Variants in MBNL1 observed in about 807,000 individuals in gnomAD.
MBNL1 encodes the protein muscleblind like splicing regulator 1.
In MBNL1, 8 loss-of-function variants were observed where a neutral mutation model predicts 42.2. The observed-to-expected ratio is 0.19, with a 90% CI of 0.11 to 0.34. MBNL1 has a LOEUF of 0.34. Among genes scored for constraint, MBNL1 ranks in the 10% least tolerant of loss-of-function variants. The pLI is 1.00. For synonymous variants in MBNL1, 169 were observed against 173.9 expected, an observed-to-expected ratio of 0.97 and a Z score of 0.22; for missense variants, 309 against 495.3, an observed-to-expected ratio of 0.62 and a Z score of 3.57.
chr3:152,286,314 T>G (rs906273889), intron 1 of MBNL1, among the ~76,000 whole-genome samples: 1 of 144,856 alleles, frequency 6.9e-6, no homozygotes, highest in Non-Finnish European at 1.5e-5. Context: ...ATTTTATTTA[T>G]AATACAAATA....
At chr3:152,314,989 T>C (rs959012923) in intron 2 of MBNL1, among the ~76,000 whole-genome samples, 2 of 152,258 alleles carry the variant, frequency 1.3e-5, no homozygotes, top group Non-Finnish European at 2.9e-5. Context: ...TTGCCCATTC[T>C]GTTCTGCTGT....
chr3:152,296,672 T>TTGTGTGTGTG (rs10564035), intron 1 of MBNL1, among the ~76,000 whole-genome samples: 279 of 148,608 alleles, frequency 1.9e-3, no homozygotes, highest in Middle Eastern at 3.5e-3. Flanking sequence ...GAGGCAATGA[T>TTGTGTGTGTG]TGTGTGTGTG....
intron 2 of MBNL1, among the ~76,000 whole-genome samples, chr3:152,304,899 G>GT (rs1394306085): frequency 6.6e-6 from 1 of 151,896 alleles, no homozygotes; most frequent in Non-Finnish European, 1.5e-5. Context: ...ATGAGTAAAG[G>GT]TTTTTTTAGA....
chr3:152,364,314 T>A (rs976078134), intron 2 of MBNL1, among the ~76,000 whole-genome samples: 27 of 152,116 alleles, frequency 1.8e-4, no homozygotes, highest in African/African-American at 6.3e-4. Context: ...ACAATAACTT[T>A]GTGTTTTTGT....
At chr3:152,256,671 G>T (rs530123624) in intron 2 of MBNL1, among the ~76,000 whole-genome samples, 4 of 152,242 alleles carry the variant, frequency 2.6e-5, no homozygotes, top group Non-Finnish European at 5.9e-5. Flanking sequence ...AGGGGTAGGA[G>T]GTTGAGGGCT....
intron 8 of MBNL1, chr3:152,458,366 A>AC (rs1402921574): frequency 1.7e-6 from 1 of 594,764 alleles, no homozygotes; most frequent in African/African-American, 1.9e-5. Flanking sequence ...AATTGAAAGA[A>AC]CAGCAACAAA....
Position 152,316,810 on chromosome 3 carries a change from T to C in MBNL1, c.174+16443T>C, listed in dbSNP as rs911543123. Among the ~76,000 whole-genome samples the C allele has an allele frequency of 1.2e-4, 18 of 152,316 alleles. No homozygotes were observed. In the South Asian group the frequency reaches 2.5e-3, roughly 21 times the overall value. On this transcript the variant is annotated intron_variant, in intron 2 of 9. Coordinates refer to ENST00000324210, the MANE Select transcript of MBNL1 (RefSeq NM_021038.5). The stretch of plus-strand genomic sequence containing the variant: ...GGAAATTTTCACATGCTCCAGACTT[T>C]CAGATAGAGCTGGCTTTGCCTTCTC...
chr3:152,303,523 C>T (rs762638207), intron 2 of MBNL1, among the ~76,000 whole-genome samples: 1 of 152,004 alleles, frequency 6.6e-6, no homozygotes, highest in African/African-American at 2.4e-5. Context: ...ATTATGTTCC[C>T]CTATGGCTTG....
intron 2 of MBNL1, among the ~76,000 whole-genome samples, chr3:152,320,628 G>A (rs1047149414): frequency 6.6e-6 from 1 of 151,140 alleles, no homozygotes; most frequent in Non-Finnish European, 1.5e-5. Context: ...GCTTTCAAAG[G>A]TTGCATAGGG....
At chr3:152,343,358 C>T (rs914985819) in intron 2 of MBNL1, among the ~76,000 whole-genome samples, 4 of 152,084 alleles carry the variant, frequency 2.6e-5, no homozygotes, top group African/African-American at 9.7e-5. Context: ...CAGAGTTTAA[C>T]CTTGAATGCT....
chr3:152,424,059 G>C (rs1347806116), intron 3 of MBNL1, among the ~76,000 whole-genome samples: 1 of 152,164 alleles, frequency 6.6e-6, no homozygotes, highest in Non-Finnish European at 1.5e-5. Flanking sequence ...ATTCAACATA[G>C]TATTGGAAGT....
intron 5 of MBNL1, chr3:152,446,808 C>G: frequency 6.7e-7 from 1 of 1,485,896 alleles, no homozygotes; most frequent in South Asian, 1.2e-5. Flanking sequence ...ATTGTAGATA[C>G]AAGTTTTTTT....
At chr3:152,248,941 A>C (rs2033862491) in intron 2 of MBNL1, among the ~76,000 whole-genome samples, 1 of 152,062 alleles carries the variant, frequency 6.6e-6, no homozygotes, top group Non-Finnish European at 1.5e-5. Flanking sequence ...TGCAAAGGAC[A>C]TGAACTCATC....
At chr3:152,372,259 C>T (rs1009437562) in intron 2 of MBNL1, among the ~76,000 whole-genome samples, 1 of 152,138 alleles carries the variant, frequency 6.6e-6, no homozygotes, top group African/African-American at 2.4e-5. Flanking sequence ...GCTCCTTTAG[C>T]TCGGAGGAGT....
At chr3:152,302,733 G>A (rs555663932) in intron 2 of MBNL1, among the ~76,000 whole-genome samples, 3 of 152,170 alleles carry the variant, frequency 2.0e-5, no homozygotes, top group East Asian at 3.9e-4. Context: ...CAGAGTAAAC[G>A]GAAAAAAATT....
At chr3:152,439,654 A>G (rs2153812925) in intron 4 of MBNL1, among the ~76,000 whole-genome samples, 1 of 152,298 alleles carries the variant, frequency 6.6e-6, no homozygotes, top group South Asian at 2.1e-4. Flanking sequence ...TCAATTATTA[A>G]TCTATGTGAT....
intron 7 of MBNL1, 51 bp from the exon 8 acceptor site, chr3:152,456,216 A>G (rs1466352531): frequency 6.3e-6 from 8 of 1,261,056 alleles, no homozygotes; most frequent in Non-Finnish European, 7.0e-6. Flanking sequence ...CATGGTTTCC[A>G]TATTGCTACA....
chr3:152,281,721 C>T (rs1338631719), intron 1 of MBNL1, among the ~76,000 whole-genome samples: 1 of 152,102 alleles, frequency 6.6e-6, no homozygotes, highest in Non-Finnish European at 1.5e-5. Flanking sequence ...TTAAGAAGTG[C>T]CTTGAGCCCC....
chr3:152,362,264 C>T (rs1170556877), intron 2 of MBNL1, among the ~76,000 whole-genome samples: 1 of 152,178 alleles, frequency 6.6e-6, no homozygotes, highest in East Asian at 1.9e-4. Context: ...CATTTCAATT[C>T]TCTGTGCTCA....
Sources: allele counts gnomAD v4.1 joint callset (sites outside exome capture counted in the v4.1 genomes callset), GRCh38; gene constraint gnomAD v4.1.1; transcripts MANE v1.5; gene names NCBI Gene and HGNC (gene_info 2026-07-23, HGNC 2026-07-21).